Variants in ACYP2 observed in about 807,000 individuals in gnomAD.
ACYP2 encodes acylphosphatase-2.
Under a neutral mutation model 11.2 loss-of-function variants are expected in ACYP2, and 12 were observed. The observed-to-expected ratio is 1.08, with a 90% CI of 0.69 to 1.74. ACYP2 has a LOEUF of 1.74. Ranked by LOEUF, ACYP2 falls within the 40% of genes most tolerant of loss-of-function variation. The pLI is 0.00. For missense variants in ACYP2, 134 were observed against 101.9 expected, an observed-to-expected ratio of 1.31 and a Z score of -1.35; for synonymous variants, 43 against 32.2, an observed-to-expected ratio of 1.33 and a Z score of -1.13.
intron 6 of ACYP2, among the ~76,000 whole-genome samples, chr2:54,244,201 G>GTATTTATT (rs1483095699): frequency 6.6e-6 from 1 of 151,764 alleles, no homozygotes; most frequent in Non-Finnish European, 1.5e-5. Flanking sequence ...ATGTATTTAT[G>GTATTTATT]TATTTATTTA....
rs1682885783 is a variant in ACYP2 at position 54,164,929 on chromosome 2, C to T, written c.404+26181C>T. ...CCCTGTGTCATGTGTTCTCATTGTT[C>T]AGCTCCCGCTTATGAGTGAGAACTT... On this transcript the variant is annotated intron_variant, in intron 6 of 6. Transcript: ENST00000607452. Among the ~76,000 whole-genome samples the T allele has an allele frequency of 3.9e-5, 6 of 152,146 alleles. No homozygotes were observed. The South Asian group carries it at 1.2e-3, about 32-fold the overall frequency.
intron 6 of ACYP2, chr2:54,256,084 C>T: frequency 6.2e-7 from 1 of 1,614,062 alleles, no homozygotes; most frequent in Non-Finnish European, 8.5e-7. Context: ...GGACCTCTGG[C>T]CCTGGTGCGG....
At chr2:54,005,756 G>T (rs1345631860) in intron 2 of ACYP2, among the ~76,000 whole-genome samples, 3 of 152,188 alleles carry the variant, frequency 2.0e-5, no homozygotes, top group African/African-American at 7.2e-5. Context: ...AAATCAGGTA[G>T]TGTCAGTCCT....
intron 3 of ACYP2, among the ~76,000 whole-genome samples, chr2:54,056,360 C>G (rs1027802886): frequency 2.6e-5 from 4 of 152,236 alleles, no homozygotes; most frequent in African/African-American, 9.6e-5. Context: ...ATCATATGTT[C>G]TTTCCACAGG....
intron 6 of ACYP2, among the ~76,000 whole-genome samples, chr2:54,186,543 C>T (rs960723053): frequency 2.0e-5 from 3 of 151,968 alleles, no homozygotes; most frequent in South Asian, 2.1e-4. Flanking sequence ...GATGGAGTTT[C>T]GCTCTTGTTG....
At chr2:54,191,571 T>A (rs1026523043) in intron 6 of ACYP2, among the ~76,000 whole-genome samples, 1 of 152,196 alleles carries the variant, frequency 6.6e-6, no homozygotes, top group Non-Finnish European at 1.5e-5. Flanking sequence ...ATCTATAAAA[T>A]GGGGATAATA....
At position 54,283,836 on chromosome 2, in the gene ACYP2, C is replaced by G. The variant is rs1397929253; in HGVS notation, c.405-20852C>G. Among the ~76,000 whole-genome samples, 4 of 152,308 alleles carry G rather than the reference C, an allele frequency of 2.6e-5. No homozygotes were observed. The East Asian group carries it at 7.7e-4, about 29-fold the overall frequency. ...TTAACATTAAAAAACTATCTTTGGC[C>G]TGGTGCACTGGCTCACGCCTGTAAT... On this transcript the variant is annotated intron_variant, in intron 6 of 6. Coordinates refer to ENST00000607452, the MANE Select transcript of ACYP2 (RefSeq NM_001320586.2).
At position 53,973,883 on chromosome 2, in the gene ACYP2, G is replaced by A. The variant is rs1292918253; in HGVS notation, c.62+73G>A. 7 of 123,894 alleles carry A rather than the reference G, an allele frequency of 5.6e-5. 1 individual carries two copies. The South Asian group carries it at 2.2e-3, about 39-fold the overall frequency. The allele number at this position is 123,894 out of a possible 1,614,324, so 7.7% of individuals were successfully genotyped here. A position where few individuals can be genotyped will look rare whatever the true frequency, so the allele number is the denominator to read the frequency against. On this transcript the variant is annotated intron_variant, in intron 2 of 6. Transcript: ENST00000607452. The stretch of plus-strand genomic sequence containing the variant: ...TGTGTGTGTGTGTGTGTGTGTGTGT[G>A]TGTGTGTGTGTGTGTGTGTATATAT...
chr2:54,013,544 C>T (rs185252020), intron 2 of ACYP2, among the ~76,000 whole-genome samples: 113 of 151,974 alleles, frequency 7.4e-4, no homozygotes, highest in African/African-American at 2.5e-3. Flanking sequence ...AGGTGATCCA[C>T]CCACCTCGTC....
At chr2:54,010,228 A>G (rs1673284015) in intron 2 of ACYP2, among the ~76,000 whole-genome samples, 1 of 152,180 alleles carries the variant, frequency 6.6e-6, no homozygotes, top group Non-Finnish European at 1.5e-5. Context: ...TCACACCTGT[A>G]ATCCCAGCAC....
intron 2 of ACYP2, among the ~76,000 whole-genome samples, chr2:54,012,298 G>C (rs1306617596): frequency 6.6e-6 from 1 of 150,646 alleles, no homozygotes; most frequent in Non-Finnish European, 1.5e-5. Context: ...TTAAGTTTAG[G>C]AGTTCAAGAC....
chr2:54,153,177 C>G (rs1234154526), intron 6 of ACYP2, among the ~76,000 whole-genome samples: 1 of 151,996 alleles, frequency 6.6e-6, no homozygotes, highest in Non-Finnish European at 1.5e-5. Context: ...TCAAATCTCA[C>G]TCTTCTGCAT....
chr2:54,207,940 G>T (rs1424531644), intron 6 of ACYP2, among the ~76,000 whole-genome samples: 1 of 152,142 alleles, frequency 6.6e-6, no homozygotes, highest in Non-Finnish European at 1.5e-5. Flanking sequence ...GAGAGAGAAG[G>T]TCAAACAACT....
At chr2:53,974,935 A>G (rs1671395660) in intron 2 of ACYP2, among the ~76,000 whole-genome samples, 1 of 152,228 alleles carries the variant, frequency 6.6e-6, no homozygotes, top group Non-Finnish European at 1.5e-5. Flanking sequence ...AGACACTTAC[A>G]TGCTGATGAG....
intron 2 of ACYP2, among the ~76,000 whole-genome samples, chr2:54,045,410 C>T (rs1161186202): frequency 1.3e-5 from 2 of 152,148 alleles, no homozygotes; most frequent in Admixed American, 6.6e-5. Context: ...AGTGGGGATA[C>T]GAAACTGTTG....
At chr2:53,973,570 T>C (rs866434302) in intron 1 of ACYP2, 20 of 197,160 alleles carry the variant, frequency 1.0e-4, no homozygotes, top group African/African-American at 4.0e-4. Context: ...AAGAAGGTTC[T>C]TTGTATTTCT....
At chr2:54,252,731 C>T (rs1297535125) in intron 6 of ACYP2, among the ~76,000 whole-genome samples, 1 of 151,928 alleles carries the variant, frequency 6.6e-6, no homozygotes, top group Non-Finnish European at 1.5e-5. Context: ...GGTGAAACCC[C>T]GTCTCTCCTA....
intron 4 of ACYP2, among the ~76,000 whole-genome samples, chr2:54,093,541 T>C (rs1026140914): frequency 1.3e-5 from 2 of 152,230 alleles, no homozygotes; most frequent in African/African-American, 2.4e-5. Flanking sequence ...ATTCAGAGGA[T>C]GTGGCCTAGA....
chr2:54,036,253 C>T (rs893994654), intron 2 of ACYP2, among the ~76,000 whole-genome samples: 2 of 152,152 alleles, frequency 1.3e-5, no homozygotes, highest in Non-Finnish European at 2.9e-5. Context: ...TGCCACCACA[C>T]CTGGCTAATT....
Sources: allele counts gnomAD v4.1 joint callset (sites outside exome capture counted in the v4.1 genomes callset), GRCh38; gene constraint gnomAD v4.1.1; transcripts MANE v1.5; gene names NCBI Gene and HGNC (gene_info 2026-07-23, HGNC 2026-07-21).